AXIN1: variants seen among roughly 807,000 people sequenced by gnomAD.
AXIN1 encodes the protein axin-1.
Under a neutral mutation model 76.4 loss-of-function variants are expected in AXIN1, and 30 were observed. The ratio of observed to expected loss-of-function variants is 0.39; its 90% CI spans 0.29 to 0.53. The LOEUF (loss-of-function observed/expected upper bound fraction) is 0.53, where lower values mean the gene tolerates loss of function less well. AXIN1 is among the 20% of genes least tolerant of loss of function. The probability of loss-of-function intolerance (pLI) is 0.66; values close to 1 mark genes in which losing one functional copy is unlikely to be tolerated. For synonymous variants in AXIN1, 545 were observed against 501.4 expected, an observed-to-expected ratio of 1.09 and a Z score of -1.16; for missense variants, 1,140 against 1,198.8, an observed-to-expected ratio of 0.95 and a Z score of 0.72.
At chr16:289,881 G>A (rs1484096871) in intron 9 of AXIN1, 9 of 556,954 alleles carry the variant, frequency 1.6e-5, no homozygotes, top group African/African-American at 3.8e-5. Context: ...GCTGCCAGGT[G>A]CACTGCAGCT....
intron 2 of AXIN1, among the ~76,000 whole-genome samples, chr16:335,633 C>A (rs2141668859): frequency 6.6e-6 from 1 of 152,076 alleles, no homozygotes; most frequent in East Asian, 1.9e-4. Flanking sequence ...CCAATAACAG[C>A]ACCCAGTACC....
intron 4 of AXIN1, among the ~76,000 whole-genome samples, chr16:308,544 C>T (rs994851392): frequency 4.6e-5 from 7 of 152,264 alleles, no homozygotes; most frequent in African/African-American, 1.7e-4. Flanking sequence ...CTGTTCCGGG[C>T]CTGTGGTTGC....
At chr16:340,315 C>T (rs1194984715) in intron 2 of AXIN1, among the ~76,000 whole-genome samples, 3 of 152,234 alleles carry the variant, frequency 2.0e-5, no homozygotes, top group Non-Finnish European at 2.9e-5. Flanking sequence ...GCCCTATCCA[C>T]AAGTGCATCA....
At chr16:323,606 C>A (rs1044251182) in intron 2 of AXIN1, among the ~76,000 whole-genome samples, 3 of 151,252 alleles carry the variant, frequency 2.0e-5, no homozygotes, top group Non-Finnish European at 4.4e-5. Flanking sequence ...ACAGTGAAAC[C>A]CTGTCTCTAC....
Position 287,890 on chromosome 16 carries a change from C to A in AXIN1, c.*232G>T, listed in dbSNP as rs561459298. The A allele has an allele frequency of 1.1e-5, 7 of 648,320 alleles. No individual in the cohort carries two copies. The East Asian group carries it at 1.7e-4, about 16-fold the overall frequency. 40.2% of individuals were successfully genotyped at this position (648,320 alleles called of 1,614,324 possible). The stretch of plus-strand genomic sequence containing the variant: ...GCTGCCTCACTTGGGCTGGGCCCTC[C>A]AAGTATTGCTATGAGGAGTGGTCCA... On this transcript the variant is annotated 3_prime_UTR_variant, in exon 11 of 11. Transcript: ENST00000262320.
intron 1 of AXIN1, among the ~76,000 whole-genome samples, chr16:351,426 A>C (rs1162890939): frequency 1.3e-5 from 2 of 152,214 alleles, no homozygotes; most frequent in Non-Finnish European, 2.9e-5. Flanking sequence ...CCTGGTCAAC[A>C]TGGTGAAACC....
At position 352,443 on chromosome 16, in the gene AXIN1, C is replaced by T; in HGVS notation, c.-156G>A. ...GCGCGGTCCGGGCCCATGCGCTCAG[C>T]GGCAGCGCGGCGGGCGGGACCCGGC... On this transcript the variant is annotated 5_prime_UTR_variant, in exon 1 of 11. Coordinates refer to ENST00000262320, the MANE Select transcript of AXIN1 (RefSeq NM_003502.4). 1.0e-6 allele frequency: 1 copy of T among 974,492 alleles called. No individual in the cohort carries two copies. Among genetic ancestry groups the T allele is most frequent in the Non-Finnish European group, 1.2e-6 (1 of 823,128 alleles). 60.4% of individuals were successfully genotyped at this position (974,492 alleles called of 1,614,324 possible). A position where few individuals can be genotyped will look rare whatever the true frequency, so the allele number is the denominator to read the frequency against.
At chr16:300,126 G>A (rs1038417623) in intron 5 of AXIN1, among the ~76,000 whole-genome samples, 1 of 151,920 alleles carries the variant, frequency 6.6e-6, no homozygotes, top group Non-Finnish European at 1.5e-5. Flanking sequence ...ATTTTTAGTA[G>A]AGACTGGGTT....
chr16:301,469 G>A (rs1222800066), intron 5 of AXIN1, among the ~76,000 whole-genome samples: 6 of 152,018 alleles, frequency 3.9e-5, no homozygotes, highest in Admixed American at 6.6e-5. Flanking sequence ...CACACACTCA[G>A]CACCTGTGGC....
chr16:321,919 G>C (rs888066061), intron 2 of AXIN1, among the ~76,000 whole-genome samples: 2 of 152,214 alleles, frequency 1.3e-5, no homozygotes, highest in Admixed American at 6.5e-5. Flanking sequence ...GGCCTAAGTG[G>C]AGCCATCCTA....
At position 309,954 on chromosome 16, in the gene AXIN1, C is replaced by G. The variant is rs2141572313; in HGVS notation, c.1116+19G>C. ...AGCGGGGAGGACGATGGGCTGAGGA[C>G]CGCAAAGCCGGTACTTACGGGAATG... On this transcript the variant is annotated intron_variant, in intron 4 of 10. Coordinates refer to ENST00000262320, the MANE Select transcript of AXIN1 (RefSeq NM_003502.4). 6.2e-7 allele frequency: 1 copy of G among 1,611,820 alleles called. No individual in the cohort carries two copies.
chr16:326,372 A>AAAATATATAT (rs1380874299), intron 2 of AXIN1, among the ~76,000 whole-genome samples: 1 of 86,470 alleles, frequency 1.2e-5, no homozygotes, highest in African/African-American at 5.8e-5. Context: ...AAAAAAAAAA[A>AAAATATATAT]ATATATATAT....
In AXIN1 at chr16:298,158, G is replaced by T. The variant is rs374481133; in HGVS notation, c.1348C>A (p.Arg450Ser). The change falls in exon 6 of 11, where the codon CGC (arginine) becomes AGC (serine). Residue 450 changes from arginine to serine, a missense_variant. Arg to Ser is a moderately radical substitution (Grantham distance 110, BLOSUM62 -1). This residue lies in a region of AXIN1 where 708 missense variants were observed against 776.9 expected (regional missense o/e 0.91). Coordinates refer to ENST00000262320, the MANE Select transcript of AXIN1 (RefSeq NM_003502.4). ...PAPAWHHFPPRCVDMGCAGLR... is the reference protein window; with the variant it reads ...PAPAWHHFPPSCVDMGCAGLR... ...CCGGCACAGCCCATGTCCACACAGC[G>T]GGGCGGGAAGTGGTGCCAAGCGGGG... The T allele has an allele frequency of 6.5e-7, 1 of 1,543,274 alleles. No individual in the cohort carries two copies. The highest frequency in any genetic ancestry group is 8.7e-7 in the Non-Finnish European group (1 of 1,147,578).
rs540620682 is a variant in AXIN1, at chr16:287,880, C to CT, written c.*241dup. On this transcript the variant is annotated 3_prime_UTR_variant, in exon 11 of 11. Transcript: ENST00000262320. ...AGGGACCTCGGCTGCCTCACTTGGG[C>CT]TGGGCCCTCCAAGTATTGCTATGAG... 997 of 620,774 alleles carry CT rather than the reference C, an allele frequency of 1.6e-3. 3 individuals carry two copies. The highest frequency in any genetic ancestry group is 2.5e-3 in the Non-Finnish European group (878 of 356,628). The allele number at this position is 620,774 out of a possible 1,614,324, so 38.5% of individuals were successfully genotyped here.
intron 1 of AXIN1, 21 bp downstream of exon 1, chr16:352,348 C>G: frequency 6.1e-6 from 6 of 980,532 alleles, no homozygotes; most frequent in Non-Finnish European, 7.2e-6. Context: ...CTAGCCCGCC[C>G]CGGAGCCCGG....
intron 2 of AXIN1, among the ~76,000 whole-genome samples, chr16:328,894 G>C (rs1486335579): frequency 6.6e-6 from 1 of 152,044 alleles, no homozygotes; most frequent in Non-Finnish European, 1.5e-5. Flanking sequence ...TTCCAGGAGA[G>C]ATGGCGGGCA....
At chr16:320,723 GTATATATA>G (rs754089481) in intron 2 of AXIN1, among the ~76,000 whole-genome samples, 11 of 120,086 alleles carry the variant, frequency 9.2e-5, no homozygotes, top group East Asian at 4.1e-4. Context: ...GCGTGTGTGT[GTATATATA>G]TATATATATA....
At chr16:304,240 A>G (rs2141544102) in intron 5 of AXIN1, 64 bp downstream of exon 5, 2 of 1,598,932 alleles carry the variant, frequency 1.3e-6, no homozygotes, top group Non-Finnish European at 1.7e-6. Context: ...ACATCAGGAC[A>G]TCCCGGCGGC....
intron 9 of AXIN1, chr16:290,542 C>T (rs2052527017): frequency 6.1e-6 from 1 of 164,636 alleles, no homozygotes; most frequent in Non-Finnish European, 1.3e-5. Context: ...AAACCTGCAT[C>T]TGGGGCAAGC....
Sources: gnomAD v4.1 joint callset for allele counts (sites outside exome capture counted in the v4.1 genomes callset) on GRCh38, gnomAD v4.1.1 for gene constraint, gnomAD v4.1.1 regional missense constraint, MANE v1.5 for transcripts, NCBI Gene and HGNC (gene_info 2026-07-23, HGNC 2026-07-21) for gene names.